Variants in DOK3 observed in about 807,000 individuals in gnomAD.
The protein encoded by DOK3 is docking protein 3.
A neutral mutation model predicts 26.2 loss-of-function variants in DOK3; 23 were observed. The observed-to-expected ratio is 0.88, with a 90% CI of 0.63 to 1.24. The LOEUF (loss-of-function observed/expected upper bound fraction) is 1.24. DOK3 is among the 50% of genes most tolerant of loss of function. The pLI is 0.00. For synonymous variants in DOK3, 268 were observed against 268.2 expected, an observed-to-expected ratio of 1.00 and a Z score of 0.01; for missense variants, 619 against 610.6, an observed-to-expected ratio of 1.01 and a Z score of -0.15.
In DOK3 at chr5:177,502,052, A is replaced by T. The variant is rs1329136073; in HGVS notation, c.*1931T>A. ...ACCCTGGGAAGAACTCAGAGAAGGC[A>T]GCAGTAGAGGCTGGGAAGGAGATTG... On this transcript the variant is annotated 3_prime_UTR_variant, in exon 6 of 6. Coordinates refer to ENST00000510898, the MANE Select transcript of DOK3 (RefSeq NM_001308236.3). 6.6e-6 allele frequency: 1 copy of T among 152,288 alleles called. No individual in the cohort carries two copies. Among genetic ancestry groups the T allele is most frequent in the East Asian group, 1.9e-4 (1 of 5,208 alleles). The allele number at this position is 152,288 out of a possible 1,614,324, so 9.4% of individuals were successfully genotyped here. A position where few individuals can be genotyped will look rare whatever the true frequency, so the allele number is the denominator to read the frequency against.
chr5:177,508,642 C>G (rs902778640), intron 2 of DOK3, 100 bp from the exon 3 acceptor site: 16 of 1,311,288 alleles, frequency 1.2e-5, no homozygotes, highest in Non-Finnish European at 1.5e-5. Flanking sequence ...CAGCCAGGAG[C>G]GGGCCTCTGC....
rs571180417 is a variant in DOK3, at chr5:177,503,950, C to T, written c.*33G>A. ...CCACCCTCCTGTCCCAGGGGGAGCA[C>T]CTCTCCCCTCTGGCCACCACTCTGC... On this transcript the variant is annotated 3_prime_UTR_variant, in exon 6 of 6. Transcript: ENST00000510898. The T allele has an allele frequency of 3.4e-5, 51 of 1,507,016 alleles. No individual in the cohort carries two copies. The East Asian group carries it at 1.1e-3, about 33-fold the overall frequency. The allele number at this position is 1,507,016 out of a possible 1,614,324, so 93.4% of individuals were successfully genotyped here.
chr5:177,503,916 C>T lies in DOK3; in HGVS notation c.*67G>A, dbSNP rs1759645364. The T allele has an allele frequency of 1.4e-6, 2 of 1,462,106 alleles. No individual in the cohort carries two copies. Among genetic ancestry groups the T allele is most frequent in the African/African-American group, 1.4e-5 (1 of 71,070 alleles). 90.6% of individuals were successfully genotyped at this position (1,462,106 alleles called of 1,614,324 possible). A position where few individuals can be genotyped will look rare whatever the true frequency, so the allele number is the denominator to read the frequency against. ...TGTGTCTGCATGGGCCCAATGTTTG[C>T]CCACCAGCCCACCCTCCTGTCCCAG... is the stretch of plus-strand genomic sequence containing the variant. On this transcript the variant is annotated 3_prime_UTR_variant, in exon 6 of 6. Transcript: ENST00000510898.
intron 5 of DOK3, 21 bp from the exon 6 acceptor site, chr5:177,504,681 T>G: frequency 6.2e-7 from 1 of 1,613,346 alleles, no homozygotes; most frequent in African/African-American, 1.3e-5. Flanking sequence ...GGCACACGGG[T>G]GGGGATTAGC....
At position 177,505,261 on chromosome 5, in the gene DOK3, C is replaced by A. The variant is rs1200176684; in HGVS notation, c.373-151G>T. ...CCCGGCTCGCTGCATAAGCCTAGGT[C>A]CCCTTCCGAGCCTGTTCTCCCACCT... is the stretch of plus-strand genomic sequence containing the variant. On this transcript the variant is annotated intron_variant, in intron 3 of 5. Coordinates refer to ENST00000510898, the MANE Select transcript of DOK3 (RefSeq NM_001308236.3). The A allele has an allele frequency of 1.0e-5, 7 of 702,732 alleles. No homozygotes were observed. The African/African-American group carries it at 1.3e-4, about 13-fold the overall frequency. 43.5% of individuals were successfully genotyped at this position (702,732 alleles called of 1,614,324 possible).
chr5:177,510,152 G>C (rs555657722), upstream of DOK3: 5 of 533,652 alleles, frequency 9.4e-6, no homozygotes, highest in South Asian at 9.7e-5. Context: ...AGACCAACCT[G>C]TCTCTCCCCT....
rs1237830441 is a variant in DOK3 at position 177,505,749 on chromosome 5, TC to T, written c.373-640del. Reference sequence around the variant, plus strand: ...TTCCGCCTCCCGGGTTTGTTTTTTTTCTTTAAGATGGAGTCTCACTCTTGTC... The same window carrying T: ...TTCCGCCTCCCGGGTTTGTTTTTTTTTTTAAGATGGAGTCTCACTCTTGTC... On this transcript the variant is annotated intron_variant, in intron 3 of 5. Transcript: ENST00000510898. Among the ~76,000 whole-genome samples, 9 of 150,962 alleles carry T rather than the reference TC, an allele frequency of 6.0e-5. No homozygotes were observed. In the East Asian group the frequency reaches 1.6e-3, roughly 26 times the overall value.
At chr5:177,509,681 C>A in intron 1 of DOK3, 24 bp from the exon 2 acceptor site, 1 of 1,594,698 alleles carries the variant, frequency 6.3e-7, no homozygotes, top group South Asian at 1.1e-5. Flanking sequence ...GGAGGGGAGC[C>A]TGTCTTCAGC....
intron 3 of DOK3, among the ~76,000 whole-genome samples, chr5:177,505,603 T>C (rs1324938574): frequency 6.6e-6 from 1 of 152,038 alleles, no homozygotes; most frequent in Non-Finnish European, 1.5e-5. Context: ...CACAGCCGGG[T>C]CAAATGCCAC....
chr5:177,505,650 CT>C (rs894798541), intron 3 of DOK3, among the ~76,000 whole-genome samples: 1 of 151,616 alleles, frequency 6.6e-6, no homozygotes, highest in Admixed American at 6.6e-5. Context: ...TGTCAACTGC[CT>C]TTTTTTTTGA....
chr5:177,505,017 G>T lies in DOK3; in HGVS notation c.466C>A (p.Gln156Lys). The change falls in exon 4 of 6, where the codon CAG becomes AAG. Residue 156 changes from glutamine (Q) to lysine (K), a missense_variant. Physicochemically the swap from Gln to Lys is moderately conservative, Grantham distance 53 (BLOSUM62 1). Coordinates refer to ENST00000510898, the MANE Select transcript of DOK3 (RefSeq NM_001308236.3). ...MEENSIYSSW[Q>K]EVGEFPVVVQ... ...TGCACGTCCTCCAACTTACCTTCCT[G>T]CCAGGAGGAGTAGATGGAGTTTTCC... The T allele has an allele frequency of 3.1e-6, 5 of 1,608,110 alleles. No individual in the cohort carries two copies. The highest frequency in any genetic ancestry group is 4.2e-6 in the Non-Finnish European group (5 of 1,177,264).
Position 177,508,226 on chromosome 5 carries a change from G to C in DOK3, c.372+11C>G. ...CCCCAGCCCAATCGCCCCCCTGCTC[G>C]CCGCACTCACCGGGAAGGCCAGCTG... On this transcript the variant is annotated intron_variant, in intron 3 of 5. Transcript: ENST00000510898. 1 of 1,472,086 alleles carries C rather than the reference G, an allele frequency of 6.8e-7. No individual in the cohort carries two copies. The highest frequency in any genetic ancestry group is 9.0e-7 in the Non-Finnish European group (1 of 1,106,620). 91.2% of individuals were successfully genotyped at this position (1,472,086 alleles called of 1,614,324 possible). A position where few individuals can be genotyped will look rare whatever the true frequency, so the allele number is the denominator to read the frequency against.
Position 177,506,976 on chromosome 5 carries a change from G to A in DOK3, c.372+1261C>T, listed in dbSNP as rs573545476. The stretch of plus-strand genomic sequence containing the variant: ...GCTGGGATTATAGGCCTGAGCCACC[G>A]CACCCGGCCACCAGTGCTTTTTAGT... On this transcript the variant is annotated intron_variant, in intron 3 of 5. Transcript: ENST00000510898. 2.7e-4 allele frequency among the ~76,000 whole-genome samples: 41 copies of A among 150,952 alleles called. No homozygotes were observed. The South Asian group carries it at 6.9e-3, about 25-fold the overall frequency.
chr5:177,504,226 C>T lies in DOK3; in HGVS notation c.1080G>A (p.Glu360=). The T allele has an allele frequency of 1.2e-6, 2 of 1,612,166 alleles. No homozygotes were observed. Among genetic ancestry groups the T allele is most frequent in the Non-Finnish European group, 1.7e-6 (2 of 1,179,220 alleles). The change falls in exon 6 of 6, where the codon GAG becomes GAA. Residue 360 remains glutamate, a synonymous_variant. Coordinates refer to ENST00000510898, the MANE Select transcript of DOK3 (RefSeq NM_001308236.3). The part of the protein sequence containing the change: ...ASPTLHGGEP[E]PHEGPGSRSP... ...TGCGGCTGCCGGGGCCCTCGTGCGG[C>T]TCAGGTTCCCCACCGTGCAGCGTGG... is the stretch of plus-strand genomic sequence containing the variant.
chr5:177,509,034 CG>C (rs1194210107), intron 2 of DOK3: 6 of 187,798 alleles, frequency 3.2e-5, no homozygotes, highest in Non-Finnish European at 6.6e-5. Context: ...AGCTGAGCTG[CG>C]GGGGTGTGGG....
chr5:177,505,353 A>G (rs1759976456), intron 3 of DOK3, among the ~76,000 whole-genome samples: 1 of 152,090 alleles, frequency 6.6e-6, no homozygotes, highest in Non-Finnish European at 1.5e-5. Context: ...AGAGCTGCAG[A>G]TCACTGGGGA....
At chr5:177,510,110 C>A, upstream of DOK3, 1 of 603,434 alleles carries the variant, frequency 1.7e-6, no homozygotes, top group South Asian at 2.0e-5. Flanking sequence ...CACTGCCCCA[C>A]TGGGCCTCCA....
chr5:177,503,832 G>A lies in DOK3; in HGVS notation c.*151C>T. The A allele has an allele frequency of 7.0e-7, 1 of 1,434,736 alleles. No homozygotes were observed. The highest frequency in any genetic ancestry group is 9.1e-7 in the Non-Finnish European group (1 of 1,099,262). The allele number at this position is 1,434,736 out of a possible 1,614,324, so 88.9% of individuals were successfully genotyped here. The stretch of plus-strand genomic sequence containing the variant: ...ACTATTCATGAGGAGGGCAGGGCAG[G>A]GCTGAGGTCCTCCACAGGCGGCCTG... On this transcript the variant is annotated 3_prime_UTR_variant, in exon 6 of 6. Coordinates refer to ENST00000510898, the MANE Select transcript of DOK3 (RefSeq NM_001308236.3).
Position 177,505,025 on chromosome 5 carries a change from G to T in DOK3, c.458C>A (p.Ser153Tyr), listed in dbSNP as rs567576792. ...CTCCAACTTACCTTCCTGCCAGGAG[G>T]AGTAGATGGAGTTTTCCTCCATGGG... Reference protein sequence around the residue: ...LVPMEENSIYSSWQEVGEFPV... With the variant: ...LVPMEENSIYYSWQEVGEFPV... Residue 153 changes from serine to tyrosine, a missense_variant, in exon 4 of 6, where the codon TCC becomes TAC. Ser to Tyr is a moderately radical substitution (Grantham distance 144). Coordinates refer to ENST00000510898, the MANE Select transcript of DOK3 (RefSeq NM_001308236.3). The T allele has an allele frequency of 1.1e-5, 18 of 1,610,278 alleles. No homozygotes were observed. In the African/African-American group the frequency reaches 1.2e-4, roughly 11 times the overall value.
Sources: allele counts gnomAD v4.1 joint callset (sites outside exome capture counted in the v4.1 genomes callset), GRCh38; gene constraint gnomAD v4.1.1; transcripts MANE v1.5; gene names NCBI Gene and HGNC (gene_info 2026-07-23, HGNC 2026-07-21).